The following AFG2A variants were observed in gnomAD, a reference collection of about 807,000 sequenced individuals.
The protein encoded by AFG2A is AAA ATPase AFG2A.
the AFG2A span, chr4:123,317,023 AG>A: frequency 6.6e-6 from 1 of 152,224 alleles, no homozygotes; most frequent in Non-Finnish European, 1.5e-5. Flanking sequence ...CAGAAGATCA[AG>A]ACCATCCTGG....
the AFG2A span, among the ~76,000 whole-genome samples, chr4:122,991,881 G>A: frequency 1.6e-4 from 25 of 152,140 alleles, no homozygotes; most frequent in East Asian, 2.5e-3. Flanking sequence ...CTCTAGAATC[G>A]ATGTTATAAA....
the AFG2A span, among the ~76,000 whole-genome samples, chr4:122,973,221 A>G: frequency 6.6e-6 from 1 of 151,958 alleles, no homozygotes; most frequent in Non-Finnish European, 1.5e-5. Flanking sequence ...CCTTCCATGT[A>G]TATTTCATTC....
chr4:122,924,697 C>T, the AFG2A span, among the ~76,000 whole-genome samples: 9 of 152,108 alleles, frequency 5.9e-5, no homozygotes, highest in Admixed American at 5.9e-4. Context: ...ATAGTCTCTT[C>T]AGTGTCAGAT....
the AFG2A span, chr4:123,056,430 C>A: frequency 6.2e-7 from 1 of 1,612,340 alleles, no homozygotes; most frequent in Non-Finnish European, 8.5e-7. Context: ...TCTGAAAGAG[C>A]AGTTAGAGAG....
chr4:123,027,507 A>G, the AFG2A span, among the ~76,000 whole-genome samples: 2 of 152,244 alleles, frequency 1.3e-5, no homozygotes, highest in Non-Finnish European at 2.9e-5. Flanking sequence ...GGGAACTCCC[A>G]ATGGCCTTTT....
At chr4:123,145,757 G>A in the AFG2A span, among the ~76,000 whole-genome samples, 100 of 152,130 alleles carry the variant, frequency 6.6e-4, no homozygotes, top group African/African-American at 2.2e-3. Flanking sequence ...CCCCAATGAG[G>A]TATATCCTTT....
At chr4:123,310,172 C>G in the AFG2A span, among the ~76,000 whole-genome samples, 5 of 152,142 alleles carry the variant, frequency 3.3e-5, no homozygotes, top group African/African-American at 1.2e-4. Context: ...AAAATAAAAA[C>G]AAAAGGAACT....
At chr4:123,062,545 C>G in the AFG2A span, among the ~76,000 whole-genome samples, 2 of 150,914 alleles carry the variant, frequency 1.3e-5, no homozygotes, top group African/African-American at 2.5e-5. Context: ...TGAGCTCTTA[C>G]TATGTAAGAT....
chr4:123,142,350 C>T, the AFG2A span, among the ~76,000 whole-genome samples: 20 of 152,074 alleles, frequency 1.3e-4, no homozygotes, highest in Non-Finnish European at 2.1e-4. Context: ...CCTGGGTAGA[C>T]AGCAGTCATG....
the AFG2A span, among the ~76,000 whole-genome samples, chr4:123,205,791 A>T: frequency 4.6e-5 from 7 of 152,180 alleles, no homozygotes; most frequent in East Asian, 1.3e-3. Context: ...TAATGTCTCA[A>T]TAAGTGTTTT....
At chr4:123,258,086 TG>T in the AFG2A span, among the ~76,000 whole-genome samples, 2 of 152,184 alleles carry the variant, frequency 1.3e-5, no homozygotes, top group South Asian at 4.1e-4. Context: ...CAAATTATAT[TG>T]TTGTGTTCCA....
At chr4:122,955,810 C>A in the AFG2A span, among the ~76,000 whole-genome samples, 4 of 152,142 alleles carry the variant, frequency 2.6e-5, no homozygotes, top group African/African-American at 9.7e-5. Flanking sequence ...TACAAACATT[C>A]TTTTGGTACA....
chr4:123,233,025 T>TA, the AFG2A span, among the ~76,000 whole-genome samples: 1 of 152,002 alleles, frequency 6.6e-6, no homozygotes, highest in Admixed American at 6.6e-5. Flanking sequence ...TATTCAAAAA[T>TA]AAAATCTATT....
the AFG2A span, among the ~76,000 whole-genome samples, chr4:122,968,630 A>G: frequency 6.6e-6 from 1 of 152,240 alleles, no homozygotes; most frequent in Non-Finnish European, 1.5e-5. Context: ...GAGTAATGCC[A>G]TGAACATTCT....
At chr4:123,184,070 A>G in the AFG2A span, among the ~76,000 whole-genome samples, 1 of 152,146 alleles carries the variant, frequency 6.6e-6, no homozygotes, top group Non-Finnish European at 1.5e-5. Flanking sequence ...TGTGGGGATT[A>G]TAGGCGTGAG....
chr4:123,050,343 A>G, the AFG2A span, among the ~76,000 whole-genome samples: 175 of 148,598 alleles, frequency 1.2e-3, no homozygotes, highest in African/African-American at 4.2e-3. Context: ...TTTAACTCCA[A>G]TGTTTGTTTG....
chr4:123,182,383 C>G, the AFG2A span, among the ~76,000 whole-genome samples: 1 of 152,120 alleles, frequency 6.6e-6, no homozygotes, highest in African/African-American at 2.4e-5. Context: ...GAACTTATAC[C>G]TAGGTTTTAA....
the AFG2A span, chr4:123,102,092 A>G: frequency 2.6e-5 from 4 of 151,958 alleles, no homozygotes; most frequent in Non-Finnish European, 5.9e-5. Flanking sequence ...ACAGACAAGA[A>G]TAGAGATTAT....
At chr4:123,031,163 T>C in the AFG2A span, among the ~76,000 whole-genome samples, 3 of 152,288 alleles carry the variant, frequency 2.0e-5, no homozygotes, top group Non-Finnish European at 4.4e-5. Context: ...CTGTTCTCTT[T>C]TTTTTTGAGA....
Sources: allele counts gnomAD v4.1 joint callset (sites outside exome capture counted in the v4.1 genomes callset), GRCh38; gene constraint gnomAD v4.1.1; transcripts MANE v1.5; gene names NCBI Gene and HGNC (gene_info 2026-07-23, HGNC 2026-07-21).